Variants in CUL2 observed in about 807,000 individuals in gnomAD.
CUL2 encodes the protein cullin-2.
In CUL2, 22 loss-of-function variants were observed where a neutral mutation model predicts 110.2. That is an observed-to-expected ratio of 0.20 (90% confidence interval 0.14 to 0.28). The LOEUF (loss-of-function observed/expected upper bound fraction) is 0.28. Among genes scored for constraint, CUL2 ranks in the 10% least tolerant of loss-of-function variants. The pLI is 1.00. For missense variants in CUL2, 631 were observed against 905.5 expected, an observed-to-expected ratio of 0.70 and a Z score of 3.89; for synonymous variants, 279 against 293.2, an observed-to-expected ratio of 0.95 and a Z score of 0.49.
intron 17 of CUL2, among the ~76,000 whole-genome samples, chr10:35,019,023 T>A (rs967972792): frequency 6.6e-6 from 1 of 152,184 alleles, no homozygotes; most frequent in African/African-American, 2.4e-5. Context: ...CAAAAAATTA[T>A]CATTTGGAGT....
intron 17 of CUL2, among the ~76,000 whole-genome samples, chr10:35,021,836 T>TGAGGCGAGGC (rs1564699254): frequency 1.4e-5 from 1 of 73,228 alleles, no homozygotes; most frequent in African/African-American, 6.6e-5. Flanking sequence ...TGAGGCGAGG[T>TGAGGCGAGGC]GAGGTGAGGT....
chr10:35,126,647 A>C (rs1254116149), upstream of CUL2: 2 of 152,384 alleles, frequency 1.3e-5, no homozygotes, highest in African/African-American at 2.4e-5. Context: ...ACTCTGGCTG[A>C]CAAGTCATTG....
intron 2 of CUL2, among the ~76,000 whole-genome samples, chr10:35,067,478 A>T (rs2086562331): frequency 6.6e-6 from 1 of 152,126 alleles, no homozygotes; most frequent in Non-Finnish European, 1.5e-5. Flanking sequence ...GGCCGGTCAC[A>T]GTGGCTCATA....
Position 35,073,289 on chromosome 10 carries a change from G to A in CUL2, c.-22-1950C>T, listed in dbSNP as rs192864266. ...GGGAAGGTGAGAGTGGAGGAGGTGGGAGAACCTACTGAGTTTCCTAAGCTC... is the reference window on the plus strand; with the variant it reads ...GGGAAGGTGAGAGTGGAGGAGGTGGAAGAACCTACTGAGTTTCCTAAGCTC... On this transcript the variant is annotated intron_variant, in intron 1 of 20. Coordinates refer to ENST00000374749, the MANE Select transcript of CUL2 (RefSeq NM_003591.4). Among the ~76,000 whole-genome samples, 715 of 152,222 alleles carry A rather than the reference G, an allele frequency of 4.7e-3. 3 individuals are homozygous for A. The highest frequency in any genetic ancestry group is 8.0e-3 in the Non-Finnish European group (542 of 68,010).
At chr10:35,024,320 A>T (rs921147016) in intron 17 of CUL2, among the ~76,000 whole-genome samples, 3 of 152,184 alleles carry the variant, frequency 2.0e-5, no homozygotes, top group African/African-American at 7.2e-5. Flanking sequence ...TTAGTCAAAT[A>T]AACACCAAGT....
Position 35,009,201 on chromosome 10 carries a change from T to TATATATTATA in CUL2, c.*1109_*1110insTATAATATAT, listed in dbSNP as rs1554851929. ...CTGTTGAGATATATATATATATATA[T>TATATATTATA]TATATATATATATATATATAAAATA... On this transcript the variant is annotated 3_prime_UTR_variant, in exon 21 of 21. Coordinates refer to ENST00000374749, the MANE Select transcript of CUL2 (RefSeq NM_003591.4). 7.3e-6 allele frequency: 1 copy of TATATATTATA among 137,896 alleles called. No homozygotes were observed. The highest frequency in any genetic ancestry group is 1.5e-5 in the Non-Finnish European group (1 of 65,058). 8.5% of individuals were successfully genotyped at this position (137,896 alleles called of 1,614,324 possible).
At chr10:35,040,807 A>T (rs2490663) in intron 8 of CUL2, among the ~76,000 whole-genome samples, 37 of 152,120 alleles carry the variant, frequency 2.4e-4, no homozygotes, top group African/African-American at 8.9e-4. Flanking sequence ...AGATTCTTCT[A>T]AAGAGCGCAC....
rs1443628092 is a variant in CUL2 at position 35,025,238 on chromosome 10, CTAT to C, written c.1618-43_1618-41del. On this transcript the variant is annotated intron_variant, in intron 16 of 20. Transcript: ENST00000374749. The stretch of plus-strand genomic sequence containing the variant: ...AAAAAACACACATTATTTTTAGCTA[CTAT>C]AACTTGCCTAGTTAATTAACACAAT... The C allele has an allele frequency of 2.6e-6, 4 of 1,531,452 alleles. No homozygotes were observed. In the South Asian group the frequency reaches 3.8e-5, roughly 15 times the overall value. 94.9% of individuals were successfully genotyped at this position (1,531,452 alleles called of 1,614,324 possible).
At position 35,013,745 on chromosome 10, in the gene CUL2, CT is replaced by C; in HGVS notation, c.1942del (p.Arg648GlufsTer37). The C allele has an allele frequency of 6.4e-7, 1 of 1,565,514 alleles. No individual in the cohort carries two copies. The highest frequency in any genetic ancestry group is 8.7e-7 in the Non-Finnish European group (1 of 1,150,790). Reference sequence around the variant, plus strand: ...TGATGTAGTAATTTTAAATTTTGTTCTTTTACTGCTAAAGTTCATATTTAAT... The same window carrying C: ...TGATGTAGTAATTTTAAATTTTGTTCTTTACTGCTAAAGTTCATATTTAAT... ...FSLNMNFSSK[R>X]TKFKITTSMQ... On this transcript the variant is annotated frameshift_variant, in exon 19 of 21. Coordinates refer to ENST00000374749, the MANE Select transcript of CUL2 (RefSeq NM_003591.4). LOFTEE classifies it high-confidence loss of function.
intron 8 of CUL2, 45 bp downstream of exon 8, chr10:35,044,521 C>A: frequency 8.2e-7 from 1 of 1,219,512 alleles, no homozygotes; most frequent in Non-Finnish European, 1.1e-6. Flanking sequence ...AAAACCAGGC[C>A]AGATACAAAA....
At chr10:35,120,946 C>T (rs1317795449) in intron 1 of CUL2, among the ~76,000 whole-genome samples, 1 of 152,124 alleles carries the variant, frequency 6.6e-6, no homozygotes, top group African/African-American at 2.4e-5. Flanking sequence ...ATTTTATATA[C>T]AAGGTAATAT....
intron 15 of CUL2, among the ~76,000 whole-genome samples, chr10:35,029,119 A>T (rs1034026428): frequency 6.7e-6 from 1 of 150,330 alleles, no homozygotes; most frequent in African/African-American, 2.5e-5. Flanking sequence ...ATGCAGTGGC[A>T]CGATCTCCGC....
intron 1 of CUL2, among the ~76,000 whole-genome samples, chr10:35,103,484 C>A (rs1311120276): frequency 6.6e-6 from 1 of 151,946 alleles, no homozygotes; most frequent in African/African-American, 2.4e-5. Context: ...GCCACCATGC[C>A]TGGCTAATTT....
chr10:35,042,110 T>A (rs1824039863), intron 8 of CUL2, among the ~76,000 whole-genome samples: 1 of 152,170 alleles, frequency 6.6e-6, no homozygotes, highest in East Asian at 1.9e-4. Flanking sequence ...ATTGTCTACT[T>A]CCAAATATTT....
chr10:35,110,818 G>A (rs943659383), intron 1 of CUL2, among the ~76,000 whole-genome samples: 27 of 152,082 alleles, frequency 1.8e-4, no homozygotes, highest in African/African-American at 2.4e-4. Flanking sequence ...GTCCTATCCC[G>A]ATGGCCTCAT....
chr10:35,054,181 G>GA (rs1474469142), intron 5 of CUL2, among the ~76,000 whole-genome samples: 1 of 152,094 alleles, frequency 6.6e-6, no homozygotes, highest in African/African-American at 2.4e-5. Flanking sequence ...TTGTTTCTGA[G>GA]TTTTTTCACA....
chr10:35,038,614 C>T (rs1329140492), intron 9 of CUL2, among the ~76,000 whole-genome samples: 1 of 145,860 alleles, frequency 6.9e-6, no homozygotes. Context: ...ATTTGTATTT[C>T]CTTTTTATAG....
At chr10:35,116,886 G>C (rs2087611573) in intron 1 of CUL2, among the ~76,000 whole-genome samples, 1 of 151,924 alleles carries the variant, frequency 6.6e-6, no homozygotes, top group Admixed American at 6.6e-5. Context: ...AAACCTGGGA[G>C]GTAGAGGTTG....
chr10:35,021,262 C>CTTTT (rs35593540), intron 17 of CUL2, among the ~76,000 whole-genome samples: 1 of 144,736 alleles, frequency 6.9e-6, no homozygotes, highest in Non-Finnish European at 1.5e-5. Flanking sequence ...TTCTTTCTTT[C>CTTTT]TTTTTTTTTT....
Sources: gnomAD v4.1 joint callset for allele counts (sites outside exome capture counted in the v4.1 genomes callset) on GRCh38, gnomAD v4.1.1 for gene constraint, MANE v1.5 for transcripts, NCBI Gene and HGNC (gene_info 2026-07-23, HGNC 2026-07-21) for gene names.